TMEM135: variants seen among roughly 807,000 people sequenced by gnomAD.
TMEM135 encodes peroxisomal membrane protein 52.
In TMEM135, 30 loss-of-function variants were observed where a neutral mutation model predicts 60.3. The observed-to-expected ratio is 0.50, with a 90% CI of 0.37 to 0.68. TMEM135 has a LOEUF of 0.68. TMEM135 is among the 30% of genes least tolerant of loss of function. TMEM135 has a pLI of 0.00. For missense variants in TMEM135, 468 were observed against 548.8 expected (o/e 0.85, Z 1.47); for synonymous variants, 190 against 186.7 (o/e 1.02, Z -0.14).
At chr11:87,284,616 A>C (rs674017) in intron 6 of TMEM135, among the ~76,000 whole-genome samples, 22,964 of 152,226 alleles carry the variant, frequency 0.15, 2,236 homozygotes, top group African/African-American at 0.27. Context: ...GCCAAGTATC[A>C]GTGTTCCATT....
intron 5 of TMEM135, among the ~76,000 whole-genome samples, chr11:87,226,013 C>T (rs1940757977): frequency 6.6e-6 from 1 of 152,046 alleles, no homozygotes; most frequent in African/African-American, 2.4e-5. Context: ...TAAACTCTCC[C>T]ATGGCTCCTT....
At chr11:87,047,114 T>C (rs555023891) in intron 1 of TMEM135, among the ~76,000 whole-genome samples, 1 of 152,330 alleles carries the variant, frequency 6.6e-6, no homozygotes, top group South Asian at 2.1e-4. Context: ...ATGTGGTCTA[T>C]CTGTTGCTTG....
rs1429786196 is a variant in TMEM135 at position 87,327,712 on chromosome 11, T to C, written c.*6379T>C. 1 of 453,824 alleles carries C rather than the reference T, an allele frequency of 2.2e-6. No homozygotes were observed. Among genetic ancestry groups the C allele is most frequent in the Non-Finnish European group, 4.4e-6 (1 of 226,770 alleles). 28.1% of individuals were successfully genotyped at this position (453,824 alleles called of 1,614,324 possible). On this transcript the variant is annotated 3_prime_UTR_variant, in exon 15 of 15. Coordinates refer to ENST00000305494, the MANE Select transcript of TMEM135 (RefSeq NM_022918.4). The stretch of plus-strand genomic sequence containing the variant: ...CCAAAAGCCTTGGAACCAGGGAAAC[T>C]GATGGTGTAATTCTCAGTCCAAGGC...
chr11:87,141,291 G>A (rs687244), intron 4 of TMEM135, among the ~76,000 whole-genome samples: 72,200 of 151,556 alleles, frequency 0.48, 17,468 homozygotes, highest in East Asian at 0.67. Context: ...TGTTTAGGTC[G>A]TTTACTTCCT....
At chr11:87,221,197 G>A (rs1031774097) in intron 5 of TMEM135, among the ~76,000 whole-genome samples, 4 of 152,100 alleles carry the variant, frequency 2.6e-5, no homozygotes, top group Admixed American at 6.5e-5. Flanking sequence ...ACATAATTGA[G>A]GGGCTAAAAT....
intron 9 of TMEM135, 58 bp from the exon 10 acceptor site, chr11:87,309,447 T>G: frequency 6.3e-7 from 1 of 1,579,530 alleles, no homozygotes. Flanking sequence ...AAATTCGTAT[T>G]CTATCAAAAA....
chr11:87,284,676 A>G (rs1942131547), intron 6 of TMEM135, among the ~76,000 whole-genome samples: 1 of 152,238 alleles, frequency 6.6e-6, no homozygotes, highest in Non-Finnish European at 1.5e-5. Flanking sequence ...AGAAAATAAT[A>G]TTTTTAATAC....
chr11:87,152,787 A>G (rs1371429415), intron 4 of TMEM135, among the ~76,000 whole-genome samples: 1 of 152,012 alleles, frequency 6.6e-6, no homozygotes, highest in Non-Finnish European at 1.5e-5. Flanking sequence ...CTTTTGCCTC[A>G]TTTTATATGT....
At chr11:87,276,710 C>T (rs1287277562) in intron 6 of TMEM135, among the ~76,000 whole-genome samples, 1 of 132,622 alleles carries the variant, frequency 7.5e-6, no homozygotes, top group Non-Finnish European at 1.6e-5. Flanking sequence ...GCTTTGTCAC[C>T]CAGGCTGTAT....
At chr11:87,262,174 T>C (rs887449680) in intron 6 of TMEM135, among the ~76,000 whole-genome samples, 1 of 152,182 alleles carries the variant, frequency 6.6e-6, no homozygotes, top group Non-Finnish European at 1.5e-5. Flanking sequence ...ACCATGAACA[T>C]TGTTTTTAAA....
chr11:87,224,377 C>G (rs1472218429), intron 5 of TMEM135, among the ~76,000 whole-genome samples: 1 of 152,194 alleles, frequency 6.6e-6, no homozygotes, highest in African/African-American at 2.4e-5. Flanking sequence ...AATCTTCATT[C>G]TAGTGATCTT....
intron 5 of TMEM135, among the ~76,000 whole-genome samples, chr11:87,182,384 A>G (rs929061590): frequency 4.6e-5 from 7 of 152,122 alleles, no homozygotes; most frequent in African/African-American, 1.7e-4. Context: ...GTTGTTGAAT[A>G]TAATCTGTAA....
At position 87,328,471 on chromosome 11, in the gene TMEM135, C is replaced by T. The variant is rs745480142; in HGVS notation, c.*7138C>T. 5.5e-5 allele frequency: 25 copies of T among 453,968 alleles called. No individual in the cohort carries two copies. Among genetic ancestry groups the T allele is most frequent in the Non-Finnish European group, 8.8e-5 (20 of 226,788 alleles). The allele number at this position is 453,968 out of a possible 1,614,324, so 28.1% of individuals were successfully genotyped here. On this transcript the variant is annotated 3_prime_UTR_variant, in exon 15 of 15. Coordinates refer to ENST00000305494, the MANE Select transcript of TMEM135 (RefSeq NM_022918.4). ...GTGCACCTGTCACCAGAATAGTGTG[C>T]ATTGTACCCAATATATAGCTTTTTA... is the stretch of plus-strand genomic sequence containing the variant.
chr11:87,114,801 C>T (rs1857837466), intron 4 of TMEM135, among the ~76,000 whole-genome samples: 2 of 152,136 alleles, frequency 1.3e-5, no homozygotes, highest in Admixed American at 6.5e-5. Flanking sequence ...AACTGAGGGG[C>T]ATAGCTGTAC....
intron 6 of TMEM135, among the ~76,000 whole-genome samples, chr11:87,272,055 T>TC (rs1232045298): frequency 2.8e-5 from 4 of 141,610 alleles, no homozygotes; most frequent in South Asian, 2.2e-4. Context: ...TCTTTTCTTT[T>TC]TTTTTTTTTT....
At chr11:87,212,815 C>T (rs1940404266) in intron 5 of TMEM135, among the ~76,000 whole-genome samples, 1 of 135,664 alleles carries the variant, frequency 7.4e-6, no homozygotes, top group African/African-American at 2.9e-5. Context: ...AGAGTGAGAC[C>T]TGATTTTGGA....
intron 6 of TMEM135, among the ~76,000 whole-genome samples, chr11:87,262,212 T>G (rs1941667002): frequency 6.6e-6 from 1 of 152,218 alleles, no homozygotes; most frequent in African/African-American, 2.4e-5. Flanking sequence ...TTCCAGTATT[T>G]CTAAATTTAT....
chr11:87,161,125 C>T (rs1938865957), intron 5 of TMEM135, among the ~76,000 whole-genome samples: 1 of 152,116 alleles, frequency 6.6e-6, no homozygotes, highest in South Asian at 2.1e-4. Flanking sequence ...GTCTCCATCT[C>T]TTGACCTCGT....
chr11:87,276,665 A>AT (rs11340916), intron 6 of TMEM135, among the ~76,000 whole-genome samples: 3,603 of 115,526 alleles, frequency 0.031, 103 homozygotes, highest in Admixed American at 0.038. Context: ...GTGTTTGTGA[A>AT]TTTTTTTTTT....
Sources: allele counts gnomAD v4.1 joint callset (sites outside exome capture counted in the v4.1 genomes callset), GRCh38; gene constraint gnomAD v4.1.1; transcripts MANE v1.5; gene names NCBI Gene and HGNC (gene_info 2026-07-23, HGNC 2026-07-21).